The following STK38 variants were observed in gnomAD, a reference collection of about 807,000 sequenced individuals.
STK38 encodes serine/threonine kinase 38.
Under a neutral mutation model 59.0 loss-of-function variants are expected in STK38, and 26 were observed. The observed-to-expected ratio is 0.44, with a 90% confidence interval of 0.32 to 0.61. The LOEUF is 0.61. Ranked by LOEUF, STK38 falls within the 20% of genes least tolerant of loss-of-function variation. The pLI is 0.04. For synonymous variants in STK38, 175 were observed against 176.6 expected (o/e 0.99, Z 0.07); for missense variants, 433 against 566.0 (o/e 0.76, Z 2.38).
chr6:36,497,892 C>T lies in STK38; in HGVS notation c.1077-17G>A. On this transcript the variant is annotated splice_polypyrimidine_tract_variant and intron_variant, in intron 11 of 13. Transcript: ENST00000229812. ...CAGCAGAACCTGGAAAAGACAGAGG[C>T]CTTTCAGCACATCTCAAGCAGTCTC... is the stretch of plus-strand genomic sequence containing the variant. 1 of 1,567,018 alleles carries T rather than the reference C, an allele frequency of 6.4e-7. No homozygotes were observed. Among genetic ancestry groups the T allele is most frequent in the Non-Finnish European group, 8.7e-7 (1 of 1,150,924 alleles).
At chr6:36,510,543 T>G (rs1264554465) in intron 7 of STK38, among the ~76,000 whole-genome samples, 3 of 152,178 alleles carry the variant, frequency 2.0e-5, no homozygotes, top group Non-Finnish European at 2.9e-5. Flanking sequence ...GCCAGCTCCA[T>G]GGAGCACACA....
In STK38 at chr6:36,495,866, A is replaced by C; in HGVS notation, c.1316T>G (p.Val439Gly). The C allele has an allele frequency of 1.2e-6, 2 of 1,613,932 alleles. No homozygotes were observed. Among genetic ancestry groups the C allele is most frequent in the Non-Finnish European group, 1.7e-6 (2 of 1,179,974 alleles). The change falls in exon 14 of 14, where the codon GTC (valine) becomes GGC (glycine). Residue 439 changes from valine (V) to glycine (G), a missense_variant. This residue lies in a region of STK38 where 136 missense variants were observed against 156.7 expected (regional missense o/e 0.87). Coordinates refer to ENST00000229812, the MANE Select transcript of STK38 (RefSeq NM_007271.4). ...PETDYKNKDW[V>G]FINYTYKRFE... ...GCGCTTGTACGTGTAATTGATGAAG[A>C]CCCAGTCTTTGTTCTTGTAGTCAGT...
intron 2 of STK38, among the ~76,000 whole-genome samples, chr6:36,527,203 A>ATATATATATATATAT (rs1421433987): frequency 8.3e-6 from 1 of 121,144 alleles, no homozygotes; most frequent in African/African-American, 3.4e-5. Flanking sequence ...AAAAAAAAAA[A>ATATATATATATATAT]AAAAATATAT....
At chr6:36,540,301 C>T (rs893805069) in intron 1 of STK38, 94 bp from the exon 2 acceptor site, 3 of 1,322,714 alleles carry the variant, frequency 2.3e-6, no homozygotes, top group Non-Finnish European at 3.1e-6. Flanking sequence ...TAAATTGGTG[C>T]AAGTTTTCTG....
chr6:36,541,409 T>A (rs1450634496), intron 1 of STK38, among the ~76,000 whole-genome samples: 1 of 152,054 alleles, frequency 6.6e-6, no homozygotes, highest in Non-Finnish European at 1.5e-5. Flanking sequence ...AAAAAAAATA[T>A]ACAGTATGCA....
intron 2 of STK38, among the ~76,000 whole-genome samples, chr6:36,535,524 C>T (rs192092474): frequency 2.0e-4 from 31 of 152,128 alleles, no homozygotes; most frequent in Admixed American, 1.9e-3. Context: ...TAACAGAAGA[C>T]TCAATATTGT....
chr6:36,503,192 T>C (rs605595), intron 9 of STK38, among the ~76,000 whole-genome samples: 1,555 of 152,304 alleles, frequency 0.01, 31 homozygotes, highest in African/African-American at 0.036. Context: ...GTGTGGCTTG[T>C]CTTTTCATTT....
intron 1 of STK38, 89 bp from the exon 2 acceptor site, chr6:36,540,296 T>G (rs1288798763): frequency 8.8e-6 from 12 of 1,365,106 alleles, no homozygotes; most frequent in Admixed American, 2.2e-5. Context: ...GAATGTAAAT[T>G]GGTGCAAGTT....
intron 2 of STK38, among the ~76,000 whole-genome samples, chr6:36,530,522 G>A (rs1291738889): frequency 1.3e-5 from 2 of 150,542 alleles, no homozygotes; most frequent in African/African-American, 2.4e-5. Context: ...CCACCACCAC[G>A]CCCAGCTAAT....
chr6:36,535,218 G>A (rs769176680), intron 2 of STK38, among the ~76,000 whole-genome samples: 11 of 152,162 alleles, frequency 7.2e-5, no homozygotes, highest in Non-Finnish European at 1.3e-4. Context: ...TTGGGAGGAG[G>A]CGGGTGGATC....
chr6:36,514,322 A>C (rs1448230897), intron 7 of STK38, among the ~76,000 whole-genome samples: 1 of 152,032 alleles, frequency 6.6e-6, no homozygotes, highest in African/African-American at 2.4e-5. Context: ...AAAAAAAAAA[A>C]AACAACTTCA....
chr6:36,527,534 C>T (rs970028893), intron 2 of STK38, among the ~76,000 whole-genome samples: 2 of 149,680 alleles, frequency 1.3e-5, no homozygotes, highest in South Asian at 2.1e-4. Flanking sequence ...GCTCAGATGT[C>T]GGAGTGAGAC....
chr6:36,498,532 G>A lies in STK38; in HGVS notation c.953-46C>T, dbSNP rs753102719. On this transcript the variant is annotated intron_variant, in intron 10 of 13. Transcript: ENST00000229812. ...CGGAGCTTTTACACTCCAGAACTTT[G>A]AATCTGACCGAGATTACTCTCCTTA... is the stretch of plus-strand genomic sequence containing the variant. 7 of 1,571,222 alleles carry A rather than the reference G, an allele frequency of 4.5e-6. No individual in the cohort carries two copies. In the African/African-American group the frequency reaches 8.3e-5, roughly 19 times the overall value.
intron 3 of STK38, among the ~76,000 whole-genome samples, chr6:36,525,275 C>T (rs1032235539): frequency 3.9e-5 from 6 of 152,142 alleles, no homozygotes; most frequent in Non-Finnish European, 5.9e-5. Context: ...CCTACTCCTA[C>T]GGAGACTTTT....
chr6:36,534,882 C>A lies in STK38; in HGVS notation c.131+5190G>T, dbSNP rs1582458972. ...TGAATAGATTGAAAAGGAAGTAAAA[C>A]TGTCTCTACCTGAATATCACAAGAT... On this transcript the variant is annotated intron_variant, in intron 2 of 13. Coordinates refer to ENST00000229812, the MANE Select transcript of STK38 (RefSeq NM_007271.4). 6.1e-5 allele frequency among the ~76,000 whole-genome samples: 9 copies of A among 147,306 alleles called. No homozygotes were observed. In the South Asian group the frequency reaches 1.9e-3, roughly 31 times the overall value.
intron 7 of STK38, among the ~76,000 whole-genome samples, chr6:36,513,481 A>G (rs949449345): frequency 1.3e-5 from 2 of 150,362 alleles, no homozygotes; most frequent in African/African-American, 2.5e-5. Flanking sequence ...CGCCCAGCTG[A>G]TTTTTGTATT....
intron 6 of STK38, 63 bp from the exon 7 acceptor site, chr6:36,515,555 C>T (rs557503612): frequency 1.3e-6 from 2 of 1,515,626 alleles, no homozygotes; most frequent in Non-Finnish European, 1.8e-6. Flanking sequence ...CACACACACA[C>T]AACATACGAG....
intron 1 of STK38, among the ~76,000 whole-genome samples, chr6:36,543,979 T>A (rs1341895910): frequency 6.6e-6 from 1 of 152,130 alleles, no homozygotes; most frequent in Non-Finnish European, 1.5e-5. Flanking sequence ...AGTTTTCAGG[T>A]TTTCCCCCTT....
Position 36,538,398 on chromosome 6 carries a change from C to T in STK38, c.131+1674G>A, listed in dbSNP as rs185532835. Among the ~76,000 whole-genome samples, 972 of 151,918 alleles carry T rather than the reference C, an allele frequency of 6.4e-3. 9 individuals carry two copies. Among genetic ancestry groups the T allele is most frequent in the African/African-American group, 0.022 (892 of 41,418 alleles). ...AGGCATGAAAACTTTTTCTGGGAGA[C>T]GTAATGTTCTGTTTTGATAAAGGTT... On this transcript the variant is annotated intron_variant, in intron 2 of 13. Transcript: ENST00000229812.
Sources: gnomAD v4.1 joint callset for allele counts (sites outside exome capture counted in the v4.1 genomes callset) on GRCh38, gnomAD v4.1.1 for gene constraint, gnomAD v4.1.1 regional missense constraint, MANE v1.5 for transcripts, NCBI Gene and HGNC (gene_info 2026-07-23, HGNC 2026-07-21) for gene names.